IMMP2L: variants seen among roughly 807,000 people sequenced by gnomAD.
IMMP2L encodes inner mitochondrial membrane peptidase subunit 2.
Under a neutral mutation model 19.3 loss-of-function variants are expected in IMMP2L, and 18 were observed. The observed-to-expected ratio is 0.93, with a 90% CI of 0.64 to 1.38. The LOEUF (loss-of-function observed/expected upper bound fraction) is 1.38, where lower values mean the gene tolerates loss of function less well. IMMP2L is among the 40% of genes most tolerant of loss of function. The pLI, the probability that IMMP2L is intolerant of heterozygous loss-of-function variation, is 0.00. For missense variants in IMMP2L, 233 were observed against 218.2 expected (o/e 1.07, Z -0.43); for synonymous variants, 76 against 73.0 (o/e 1.04, Z -0.21).
At chr7:111,128,384 T>C (rs1801521348) in intron 3 of IMMP2L, among the ~76,000 whole-genome samples, 1 of 152,206 alleles carries the variant, frequency 6.6e-6, no homozygotes, top group African/African-American at 2.4e-5. Flanking sequence ...ATGATAATGC[T>C]CAGAAAAAAT....
chr7:111,209,274 G>A (rs546099315), intron 3 of IMMP2L, among the ~76,000 whole-genome samples: 2 of 151,762 alleles, frequency 1.3e-5, no homozygotes, highest in Non-Finnish European at 2.9e-5. Flanking sequence ...GCACGCACCT[G>A]TAGTTTCAGC....
intron 3 of IMMP2L, among the ~76,000 whole-genome samples, chr7:111,212,196 A>G (rs985567645): frequency 6.6e-6 from 1 of 151,728 alleles, no homozygotes. Flanking sequence ...CTCTTTCTCA[A>G]CTTTCTGGGG....
chr7:111,435,053 C>G (rs1445068083), intron 3 of IMMP2L, among the ~76,000 whole-genome samples: 1 of 151,840 alleles, frequency 6.6e-6, no homozygotes, highest in Non-Finnish European at 1.5e-5. Context: ...GGCAAGGATG[C>G]AGATAAGTGA....
At chr7:111,381,394 T>G (rs1584882115) in intron 3 of IMMP2L, among the ~76,000 whole-genome samples, 1 of 152,052 alleles carries the variant, frequency 6.6e-6, no homozygotes, top group African/African-American at 2.4e-5. Flanking sequence ...ATTTGAAATG[T>G]GACCATGACC....
At chr7:110,928,809 A>G (rs954358360) in intron 4 of IMMP2L, among the ~76,000 whole-genome samples, 6 of 152,118 alleles carry the variant, frequency 3.9e-5, no homozygotes, top group Admixed American at 6.6e-5. Flanking sequence ...TCTAAGCTTC[A>G]GAAACCAAAT....
intron 4 of IMMP2L, among the ~76,000 whole-genome samples, chr7:110,915,245 G>A (rs557957053): frequency 7.7e-5 from 11 of 142,012 alleles, no homozygotes; most frequent in South Asian, 2.1e-4. Flanking sequence ...ATGTGCACGC[G>A]CGTGCGTGCA....
At chr7:111,227,324 ATTAC>A (rs957925664) in intron 3 of IMMP2L, among the ~76,000 whole-genome samples, 2 of 152,138 alleles carry the variant, frequency 1.3e-5, no homozygotes, top group Non-Finnish European at 2.9e-5. Context: ...TACCCGAAGT[ATTAC>A]TTTAAGAGAT....
intron 3 of IMMP2L, among the ~76,000 whole-genome samples, chr7:111,074,969 G>A (rs1275199185): frequency 6.6e-6 from 1 of 152,108 alleles, no homozygotes; most frequent in African/African-American, 2.4e-5. Flanking sequence ...CAATGACAGA[G>A]ATCAAAGGCT....
intron 3 of IMMP2L, among the ~76,000 whole-genome samples, chr7:110,975,927 A>G (rs1820642832): frequency 6.6e-6 from 1 of 152,144 alleles, no homozygotes; most frequent in Admixed American, 6.6e-5. Flanking sequence ...ATATTGGAAC[A>G]TTAAACTAGA....
intron 1 of IMMP2L, among the ~76,000 whole-genome samples, chr7:111,559,373 A>G (rs12705778): frequency 0.78 from 118,704 of 152,150 alleles, 47,959 homozygotes; most frequent in East Asian, 0.97. Flanking sequence ...AGACATTTCC[A>G]AAATGGAAAT....
intron 2 of IMMP2L, among the ~76,000 whole-genome samples, chr7:111,500,672 C>T (rs990641464): frequency 2.0e-5 from 3 of 152,042 alleles, no homozygotes; most frequent in South Asian, 2.1e-4. Flanking sequence ...CTACAGCCAC[C>T]GCTGTTCTGC....
intron 5 of IMMP2L, among the ~76,000 whole-genome samples, chr7:110,716,614 C>T (rs1795251105): frequency 6.6e-6 from 1 of 152,120 alleles, no homozygotes; most frequent in Admixed American, 6.5e-5. Context: ...TTTAAGAATG[C>T]TGAAAATAGG....
intron 5 of IMMP2L, among the ~76,000 whole-genome samples, chr7:110,744,424 G>C (rs1797189888): frequency 6.6e-6 from 1 of 152,208 alleles, no homozygotes. Flanking sequence ...TCCTCAAGTA[G>C]GTCCCTGACC....
chr7:111,158,606 T>C (rs1409311123), intron 3 of IMMP2L, among the ~76,000 whole-genome samples: 2 of 152,170 alleles, frequency 1.3e-5, no homozygotes, highest in South Asian at 4.1e-4. Flanking sequence ...ATTCCCATAC[T>C]CATGGGTGCT....
intron 3 of IMMP2L, among the ~76,000 whole-genome samples, chr7:111,299,801 T>C (rs1487739568): frequency 6.6e-6 from 1 of 152,074 alleles, no homozygotes; most frequent in African/African-American, 2.4e-5. Flanking sequence ...ATGGTCTGTT[T>C]ACACATAGAA....
chr7:111,190,768 T>C (rs1382981010), intron 3 of IMMP2L, among the ~76,000 whole-genome samples: 2 of 152,158 alleles, frequency 1.3e-5, no homozygotes, highest in Non-Finnish European at 2.9e-5. Flanking sequence ...ATTATCAATA[T>C]GTATGTACGA....
chr7:111,311,692 G>A (rs1020449622), intron 3 of IMMP2L, among the ~76,000 whole-genome samples: 1 of 152,034 alleles, frequency 6.6e-6, no homozygotes, highest in Non-Finnish European at 1.5e-5. Flanking sequence ...GTTGTATCAG[G>A]GTGAGGAAAT....
Position 110,757,145 on chromosome 7 carries a change from T to C in IMMP2L, c.409-93424A>G, listed in dbSNP as rs1798083766. On this transcript the variant is annotated intron_variant, in intron 5 of 5. Transcript: ENST00000405709. This position sits in a 1 kb window ranked among gnomAD's most constrained non-coding sequence, Gnocchi z 4.2. ...CATGTTAGTTAGATTGAAATACGCG[T>C]AATGGAGAAAAATAAAGTCAGAAAG... Among the ~76,000 whole-genome samples the C allele has an allele frequency of 6.6e-6, 1 of 151,824 alleles. No homozygotes were observed. The highest frequency in any genetic ancestry group is 1.5e-5 in the Non-Finnish European group (1 of 67,906).
intron 5 of IMMP2L, among the ~76,000 whole-genome samples, chr7:110,856,630 C>T (rs1471471039): frequency 2.0e-5 from 3 of 151,894 alleles, no homozygotes; most frequent in South Asian, 2.1e-4. Context: ...CAATTTGGCA[C>T]GTAAGGGAAA....
Sources: allele counts gnomAD v4.1 joint callset (sites outside exome capture counted in the v4.1 genomes callset), GRCh38; gene constraint gnomAD v4.1.1; non-coding constraint Gnocchi (gnomAD v3.1); transcripts MANE v1.5; gene names NCBI Gene and HGNC (gene_info 2026-07-23, HGNC 2026-07-21).